The following BDH1 variants were observed in gnomAD, a reference collection of about 807,000 sequenced individuals.
BDH1 encodes 3-hydroxybutyrate dehydrogenase 1.
BDH1 carries 30 observed loss-of-function variants against 33.1 expected under a neutral mutation model. That is an observed-to-expected ratio of 0.91 (90% confidence interval 0.68 to 1.23). BDH1 has a LOEUF of 1.23. Among genes scored for constraint, BDH1 ranks in the 50% most tolerant of loss-of-function variants. BDH1 has a pLI of 0.00. For missense variants in BDH1, 443 were observed against 464.4 expected (o/e 0.95, Z 0.42); for synonymous variants, 190 against 183.6 (o/e 1.03, Z -0.28).
At chr3:197,562,804 A>G (rs1005256253) in intron 1 of BDH1, among the ~76,000 whole-genome samples, 1 of 152,162 alleles carries the variant, frequency 6.6e-6, no homozygotes, top group Admixed American at 6.5e-5. Context: ...AGGAGAAAAC[A>G]AGGAGAATGA....
Position 197,527,636 on chromosome 3 carries a change from C to G in BDH1, c.267+4776G>C, listed in dbSNP as rs922679659. On this transcript the variant is annotated intron_variant, in intron 5 of 7. Coordinates refer to ENST00000392379, the MANE Select transcript of BDH1 (RefSeq NM_203314.3). Reference sequence around the variant, plus strand: ...TGCCCCTCACTTCACTCTACTCCCCCCTCATTCTGCTTCAGCCACAGAGGC... The same window carrying G: ...TGCCCCTCACTTCACTCTACTCCCCGCTCATTCTGCTTCAGCCACAGAGGC... Among the ~76,000 whole-genome samples, 77 of 152,202 alleles carry G rather than the reference C, an allele frequency of 5.1e-4. 1 individual carries two copies. The highest frequency in any genetic ancestry group is 1.0e-3 in the Non-Finnish European group (69 of 68,038).
Position 197,536,587 on chromosome 3 carries a change from C to T in BDH1, c.84-3026G>A, listed in dbSNP as rs561668996. Among the ~76,000 whole-genome samples the T allele has an allele frequency of 1.1e-3, 166 of 152,070 alleles. 1 individual carries two copies. Among genetic ancestry groups the T allele is most frequent in the Non-Finnish European group, 1.8e-3 (124 of 67,982 alleles). ...CGGGCATGGTGGGTCATCCCTGTAA[C>T]CCCAGCACTTTGGGAGGCCGAGGCA... On this transcript the variant is annotated intron_variant, in intron 3 of 7. Coordinates refer to ENST00000392379, the MANE Select transcript of BDH1 (RefSeq NM_203314.3).
intron 3 of BDH1, chr3:197,543,281 G>T: frequency 1.6e-6 from 1 of 633,908 alleles, no homozygotes; most frequent in Non-Finnish European, 2.0e-6. Flanking sequence ...CATGAATCCC[G>T]CATGTGATGT....
In BDH1 at chr3:197,532,464, G is replaced by A. The variant is rs759331947; in HGVS notation, c.215C>T (p.Ala72Val). The change falls in exon 5 of 8, where the codon GCC (alanine) becomes GTC (valine). Residue 72 changes from alanine (A) to valine (V), a missense_variant. Physicochemically the swap from Ala to Val is moderately conservative, Grantham distance 64. Coordinates refer to ENST00000392379, the MANE Select transcript of BDH1 (RefSeq NM_203314.3). ...GAAGCCTTTTGAATGCAGATGCTTG[G>A]CCAATGAGAACCCAAATCCAGAGTC... ...GCDSGFGFSL[A>V]KHLHSKGFLV... The A allele has an allele frequency of 1.2e-6, 2 of 1,614,208 alleles. No individual in the cohort carries two copies. Among genetic ancestry groups the A allele is most frequent in the African/African-American group, 1.3e-5 (1 of 75,052 alleles).
At chr3:197,539,958 G>C (rs554966591) in intron 3 of BDH1, among the ~76,000 whole-genome samples, 4 of 152,164 alleles carry the variant, frequency 2.6e-5, no homozygotes, top group Non-Finnish European at 4.4e-5. Context: ...TGATAAACCG[G>C]TTCTGTCTAG....
At chr3:197,573,026 C>T (rs1230157930) in intron 1 of BDH1, among the ~76,000 whole-genome samples, 2 of 152,158 alleles carry the variant, frequency 1.3e-5, no homozygotes, top group Non-Finnish European at 2.9e-5. Context: ...AAAGCTGCTG[C>T]CTCTCTGTTT....
At chr3:197,535,259 C>T (rs963335903) in intron 3 of BDH1, among the ~76,000 whole-genome samples, 2 of 152,170 alleles carry the variant, frequency 1.3e-5, no homozygotes, top group Admixed American at 6.5e-5. Flanking sequence ...TCTATTGAAT[C>T]GTTCATTCTT....
chr3:197,530,343 C>A (rs1429864511), intron 5 of BDH1: 1 of 152,074 alleles, frequency 6.6e-6, no homozygotes. Context: ...GATCTAAGAG[C>A]AATCTCACTC....
chr3:197,551,648 A>G (rs1716580208), intron 2 of BDH1, among the ~76,000 whole-genome samples: 1 of 152,128 alleles, frequency 6.6e-6, no homozygotes, highest in African/African-American at 2.4e-5. Flanking sequence ...GGAACCTACA[A>G]ACTATTCTCT....
upstream of BDH1, among the ~76,000 whole-genome samples, chr3:197,557,695 C>A (rs115310840): frequency 9.1e-3 from 1,385 of 152,320 alleles, 8 homozygotes; most frequent in Non-Finnish European, 0.013. The surrounding 1 kb of genome is among the most constrained non-coding windows in gnomAD (Gnocchi z 4.6). Flanking sequence ...CCAGCCTGGG[C>A]AACAGTGGGA....
At chr3:197,539,508 C>G (rs1434867454) in intron 3 of BDH1, among the ~76,000 whole-genome samples, 1 of 152,218 alleles carries the variant, frequency 6.6e-6, no homozygotes, top group Non-Finnish European at 1.5e-5. Context: ...GCCTGGGGAT[C>G]AGACTGTCTT....
rs1712098854 is a variant in BDH1, at chr3:197,512,082, G to A, written c.845C>T (p.Ala282Val). ...YGKKYFDEKI[A>V]KMETYCSSGS... ...ACTGCTGCAGTAGGTCTCCATCTTG[G>A]CGATCTTTTCATCAAAGTACTTCTT... The change falls in exon 8 of 8, where the codon GCC becomes GTC. Residue 282 changes from alanine to valine, a missense_variant. Physicochemically the swap from Ala to Val is moderately conservative, Grantham distance 64. Coordinates refer to ENST00000392379, the MANE Select transcript of BDH1 (RefSeq NM_203314.3). 1 of 1,614,078 alleles carries A rather than the reference G, an allele frequency of 6.2e-7. No individual in the cohort carries two copies.
chr3:197,553,670 A>G (rs908061640), intron 2 of BDH1, among the ~76,000 whole-genome samples: 41 of 152,222 alleles, frequency 2.7e-4, no homozygotes, highest in African/African-American at 9.6e-4. Context: ...GATCTGTGGC[A>G]GTAATCCAGG....
Position 197,523,887 on chromosome 3 carries a change from C to T in BDH1, c.268-1106G>A, listed in dbSNP as rs925932882. On this transcript the variant is annotated intron_variant, in intron 5 of 7. Coordinates refer to ENST00000392379, the MANE Select transcript of BDH1 (RefSeq NM_203314.3). This position sits in a 1 kb window ranked among gnomAD's most constrained non-coding sequence, Gnocchi z 4.5. ...CAGAAGCCATTGGTTGCAGGCAGTG[C>T]AGACGCATAAGGAGGTGGTGGATGC... is the stretch of plus-strand genomic sequence containing the variant. 6.6e-6 allele frequency among the ~76,000 whole-genome samples: 1 copy of T among 152,138 alleles called. No homozygotes were observed. Among genetic ancestry groups the T allele is most frequent in the African/African-American group, 2.4e-5 (1 of 41,418 alleles).
At chr3:197,567,668 A>G (rs1717477698) in intron 1 of BDH1, among the ~76,000 whole-genome samples, 1 of 152,164 alleles carries the variant, frequency 6.6e-6, no homozygotes, top group Admixed American at 6.5e-5. Context: ...AACCTTCGCA[A>G]AATAAACTTT....
rs1294934237 is a variant in BDH1, at chr3:197,546,433, G to A, written c.11C>T (p.Thr4Ile). The A allele has an allele frequency of 8.1e-6, 13 of 1,614,000 alleles. No individual in the cohort carries two copies. The Admixed American group carries it at 2.0e-4, about 25-fold the overall frequency. ...CCGTGACAGGGGTCTGGAGAGGCGG[G>A]TGGCCAGCATGGTAGCAACGGGTGT... The part of the protein sequence containing the change: MLA[T>I]RLSRPLSRLP... Residue 4 changes from threonine to isoleucine, a missense_variant, in exon 3 of 8, where the codon ACC becomes ATC. Physicochemically the swap from Thr to Ile is moderately conservative, Grantham distance 89. Coordinates refer to ENST00000392379, the MANE Select transcript of BDH1 (RefSeq NM_203314.3).
rs1159942522 is a variant in BDH1 at position 197,520,457 on chromosome 3, G to A, written c.409+2183C>T. ...GGGGGTGAGTGCCTCCCCTCTGTGT[G>A]GGCCGGGGCCCACCCTGCCTTGTAG... is the stretch of plus-strand genomic sequence containing the variant. On this transcript the variant is annotated intron_variant, in intron 6 of 7. Transcript: ENST00000392379. The surrounding 1 kb of genome is among the most constrained non-coding windows in gnomAD (Gnocchi z 6.0). Among the ~76,000 whole-genome samples, 2 of 152,308 alleles carry A rather than the reference G, an allele frequency of 1.3e-5. No individual in the cohort carries two copies. Among genetic ancestry groups the A allele is most frequent in the East Asian group, 3.9e-4 (2 of 5,172 alleles).
rs1713389494 is a variant in BDH1, at chr3:197,520,228, C to T, written c.409+2412G>A. Among the ~76,000 whole-genome samples the T allele has an allele frequency of 6.6e-6, 1 of 151,898 alleles. No individual in the cohort carries two copies. Among genetic ancestry groups the T allele is most frequent in the Admixed American group, 6.6e-5 (1 of 15,250 alleles). On this transcript the variant is annotated intron_variant, in intron 6 of 7. Coordinates refer to ENST00000392379, the MANE Select transcript of BDH1 (RefSeq NM_203314.3). The surrounding 1 kb of genome is among the most constrained non-coding windows in gnomAD (Gnocchi z 6.0). ...CGAGAGCAGGAGATGGGGGACACGCCACTGCATATCTGACGGATGTACTGT... is the reference window on the plus strand; with the variant it reads ...CGAGAGCAGGAGATGGGGGACACGCTACTGCATATCTGACGGATGTACTGT...
At chr3:197,536,386 AC>A (rs2108747354) in intron 3 of BDH1, among the ~76,000 whole-genome samples, 1 of 152,322 alleles carries the variant, frequency 6.6e-6, no homozygotes, top group African/African-American at 2.4e-5. Context: ...AAAAAATATG[AC>A]TGGGATTTTT....
Sources: allele counts gnomAD v4.1 joint callset (sites outside exome capture counted in the v4.1 genomes callset), GRCh38; gene constraint gnomAD v4.1.1; non-coding constraint Gnocchi (gnomAD v3.1); transcripts MANE v1.5; gene names NCBI Gene and HGNC (gene_info 2026-07-23, HGNC 2026-07-21).